LRRC8D: variants seen among roughly 807,000 people sequenced by gnomAD.
The protein encoded by LRRC8D is leucine rich repeat containing 8 VRAC subunit D, also known as volume-regulated anion channel subunit LRRC8D.
LRRC8D carries 20 observed loss-of-function variants against 55.8 expected under a neutral mutation model. That is an observed-to-expected ratio of 0.36 (90% CI 0.25 to 0.52). The LOEUF is 0.52. Among genes scored for constraint, LRRC8D ranks in the 20% least tolerant of loss-of-function variants. LRRC8D has a pLI of 0.93. For missense variants in LRRC8D, 651 were observed against 1,030.8 expected (o/e 0.63, Z 5.05); for synonymous variants, 352 against 377.0 (o/e 0.93, Z 0.77).
chr1:89,842,732 A>G (rs1245142467), intron 1 of LRRC8D, among the ~76,000 whole-genome samples: 1 of 152,112 alleles, frequency 6.6e-6, no homozygotes, highest in African/African-American at 2.4e-5. Flanking sequence ...CCATCTGTGT[A>G]CTCTTTTTAA....
chr1:89,899,840 A>G (rs1323021134), intron 2 of LRRC8D, among the ~76,000 whole-genome samples: 1 of 152,214 alleles, frequency 6.6e-6, no homozygotes. Flanking sequence ...CTTTGTCTGT[A>G]AAATGTGACC....
intron 2 of LRRC8D, among the ~76,000 whole-genome samples, chr1:89,921,306 C>G (rs950379763): frequency 6.6e-6 from 1 of 152,058 alleles, no homozygotes; most frequent in Non-Finnish European, 1.5e-5. Context: ...CCACTGCACT[C>G]TAGCCTGGAC....
intron 2 of LRRC8D, among the ~76,000 whole-genome samples, chr1:89,880,985 C>T (rs1051726418): frequency 2.0e-5 from 3 of 152,182 alleles, no homozygotes; most frequent in African/African-American, 7.2e-5. Context: ...GCATTAAACA[C>T]TTTGCCTCAG....
chr1:89,862,908 A>G (rs996414926), intron 2 of LRRC8D, among the ~76,000 whole-genome samples: 1 of 152,224 alleles, frequency 6.6e-6, no homozygotes, highest in Non-Finnish European at 1.5e-5. Flanking sequence ...GATTTCATGG[A>G]TGAGATATTC....
At chr1:89,925,692 A>G (rs943927344) in intron 2 of LRRC8D, among the ~76,000 whole-genome samples, 1 of 152,274 alleles carries the variant, frequency 6.6e-6, no homozygotes, top group Non-Finnish European at 1.5e-5. Context: ...ATATATGAAA[A>G]GCTACTTTTG....
chr1:89,866,839 G>A (rs1570837573), intron 2 of LRRC8D, among the ~76,000 whole-genome samples: 1 of 152,280 alleles, frequency 6.6e-6, no homozygotes, highest in East Asian at 1.9e-4. Context: ...GCAGCAAGGA[G>A]AGTTAAGGGC....
At chr1:89,904,782 A>G (rs959567991) in intron 2 of LRRC8D, among the ~76,000 whole-genome samples, 32 of 152,318 alleles carry the variant, frequency 2.1e-4, no homozygotes, top group Non-Finnish European at 3.8e-4. Flanking sequence ...AATATTGGGC[A>G]ATCTTGGAGT....
At chr1:89,880,985 CT>C (rs551221196) in intron 2 of LRRC8D, among the ~76,000 whole-genome samples, 143 of 152,298 alleles carry the variant, frequency 9.4e-4, no homozygotes, top group Middle Eastern at 3.4e-3. Flanking sequence ...GCATTAAACA[CT>C]TTGCCTCAGA....
chr1:89,932,714 C>T (rs148567796), intron 2 of LRRC8D, among the ~76,000 whole-genome samples: 318 of 152,282 alleles, frequency 2.1e-3, no homozygotes, highest in Non-Finnish European at 3.7e-3. Context: ...TAAGAGTCAT[C>T]CCACTCCTTG....
chr1:89,921,515 GTTTT>G (rs997254894), intron 2 of LRRC8D, among the ~76,000 whole-genome samples: 1 of 151,196 alleles, frequency 6.6e-6, no homozygotes, highest in Non-Finnish European at 1.5e-5. Context: ...ACTTTTAAAG[GTTTT>G]TTTTGTTTGT....
At chr1:89,892,162 A>T (rs1433578331) in intron 2 of LRRC8D, among the ~76,000 whole-genome samples, 1 of 152,250 alleles carries the variant, frequency 6.6e-6, no homozygotes, top group Non-Finnish European at 1.5e-5. Flanking sequence ...TCACAATGAT[A>T]AAATGCTGGA....
intron 2 of LRRC8D, among the ~76,000 whole-genome samples, chr1:89,855,796 G>A (rs556070976): frequency 6.6e-6 from 1 of 152,212 alleles, no homozygotes; most frequent in South Asian, 2.1e-4. Context: ...TCATAAATAT[G>A]TTCTTCCATT....
intron 2 of LRRC8D, among the ~76,000 whole-genome samples, chr1:89,916,533 C>G (rs1663272132): frequency 6.6e-6 from 1 of 152,070 alleles, no homozygotes; most frequent in East Asian, 1.9e-4. Flanking sequence ...TAATGAATTC[C>G]ACTGCAATAG....
intron 2 of LRRC8D, among the ~76,000 whole-genome samples, chr1:89,888,319 A>G (rs987814010): frequency 4.6e-5 from 7 of 152,246 alleles, no homozygotes; most frequent in African/African-American, 1.7e-4. Flanking sequence ...AATAATAAGT[A>G]AATGGATAGT....
intron 1 of LRRC8D, among the ~76,000 whole-genome samples, chr1:89,831,273 C>T (rs1660879200): frequency 6.6e-6 from 1 of 152,120 alleles, no homozygotes; most frequent in African/African-American, 2.4e-5. Context: ...CTTTTCTTTC[C>T]CAACCCCAGA....
Position 89,935,274 on chromosome 1 carries a change from G to C in LRRC8D, c.2206G>C (p.Val736Leu). 1 of 1,614,210 alleles carries C rather than the reference G, an allele frequency of 6.2e-7. No homozygotes were observed. Among genetic ancestry groups the C allele is most frequent in the East Asian group, 2.2e-5 (1 of 44,892 alleles). ...TTTACAGAAACTCAGATGCTTAGAT[G>C]TGAGCTACAACAACATTTCAATGAT... ...FSLQKLRCLD[V>L]SYNNISMIPI... Residue 736 changes from valine (V) to leucine (L), a missense_variant, in exon 3 of 3, where the codon GTG becomes CTG. Physicochemically the swap from Val to Leu is conservative, Grantham distance 32. Coordinates refer to ENST00000337338, the MANE Select transcript of LRRC8D (RefSeq NM_001134479.2).
At chr1:89,856,875 A>G (rs1289463547) in intron 2 of LRRC8D, among the ~76,000 whole-genome samples, 2 of 152,056 alleles carry the variant, frequency 1.3e-5, no homozygotes, top group East Asian at 3.9e-4. Context: ...CTCCCCCCAC[A>G]TTTACTGCCT....
intron 2 of LRRC8D, among the ~76,000 whole-genome samples, chr1:89,873,445 T>A (rs2100829053): frequency 6.6e-6 from 1 of 152,332 alleles, no homozygotes; most frequent in Non-Finnish European, 1.5e-5. Context: ...AAAAGCCAGC[T>A]GGAGGCAGCA....
chr1:89,841,396 AC>A (rs56089566), intron 1 of LRRC8D, among the ~76,000 whole-genome samples: 12 of 144,390 alleles, frequency 8.3e-5, no homozygotes, highest in African/African-American at 2.8e-4. Flanking sequence ...TGTCAAGACC[AC>A]CCCCCCCCTT....
Sources: gnomAD v4.1 joint callset for allele counts (sites outside exome capture counted in the v4.1 genomes callset) on GRCh38, gnomAD v4.1.1 for gene constraint, MANE v1.5 for transcripts, NCBI Gene and HGNC (gene_info 2026-07-23, HGNC 2026-07-21) for gene names.